KLF11: variants seen among roughly 807,000 people sequenced by gnomAD.
KLF11 encodes the protein Krueppel-like factor 11.
A neutral mutation model predicts 29.9 loss-of-function variants in KLF11; 26 were observed. The ratio of observed to expected loss-of-function variants is 0.87; its 90% CI spans 0.64 to 1.21. The LOEUF (loss-of-function observed/expected upper bound fraction) is 1.21. Ranked by LOEUF, KLF11 falls within the 50% of genes most tolerant of loss-of-function variation. The probability of loss-of-function intolerance (pLI) is 0.00; values close to 1 mark genes in which losing one functional copy is unlikely to be tolerated. For synonymous variants in KLF11, 318 were observed against 257.4 expected, an observed-to-expected ratio of 1.24 and a Z score of -2.25; for missense variants, 778 against 665.7, an observed-to-expected ratio of 1.17 and a Z score of -1.86.
At chr2:10,044,419 T>TG (rs1661114004) in intron 1 of KLF11, 3 of 985,412 alleles carry the variant, frequency 3.0e-6, no homozygotes, top group Non-Finnish European at 3.6e-6. Context: ...GTGCGGGCAC[T>TG]GTGGGCCGGG....
At chr2:10,050,517 C>G (rs918465640) in intron 3 of KLF11, among the ~76,000 whole-genome samples, 3 of 151,964 alleles carry the variant, frequency 2.0e-5, no homozygotes, top group African/African-American at 7.3e-5. Flanking sequence ...TGAGACCATC[C>G]TGGCCAACAT....
intron 1 of KLF11, 160 bp downstream of exon 1, chr2:10,043,918 C>A: frequency 9.9e-7 from 1 of 1,014,872 alleles, no homozygotes; most frequent in Non-Finnish European, 1.2e-6. Flanking sequence ...CGGAGCCGGG[C>A]GGGGCGGCGG....
At chr2:10,044,059 T>G (rs957749967) in intron 1 of KLF11, 1 of 694,170 alleles carries the variant, frequency 1.4e-6, no homozygotes, top group East Asian at 1.3e-4. Context: ...GTCACCCCGG[T>G]CCTGTGAGCC....
Position 10,048,130 on chromosome 2 carries a change from G to A in KLF11, c.793G>A (p.Glu265Lys), listed in dbSNP as rs773720978. ...AVQTCSPKNYENDLPRKTTPL... is the reference protein window; with the variant it reads ...AVQTCSPKNYKNDLPRKTTPL... Reference sequence around the variant, plus strand: ...TCAGACTTGCTCACCAAAGAATTATGAAAATGACCTGCCCAGGAAAACCAC... The same window carrying A: ...TCAGACTTGCTCACCAAAGAATTATAAAAATGACCTGCCCAGGAAAACCAC... Residue 265 changes from glutamate (E) to lysine (K), a missense_variant, in exon 3 of 4, where the codon GAA (glutamate) becomes AAA (lysine). By Grantham distance (56) the Glu-to-Lys change is moderately conservative. Transcript: ENST00000305883. 19 of 1,614,086 alleles carry A rather than the reference G, an allele frequency of 1.2e-5. No homozygotes were observed. In the East Asian group the frequency reaches 3.8e-4, roughly 32 times the overall value.
At chr2:10,047,250 G>C (rs892943121) in intron 2 of KLF11, among the ~76,000 whole-genome samples, 2 of 152,308 alleles carry the variant, frequency 1.3e-5, no homozygotes, top group Middle Eastern at 3.4e-3. Context: ...TCTCAGCTTG[G>C]AGAAGCTGAG....
rs1661441058 is a variant in KLF11, at chr2:10,052,553, T to C, written c.*46T>C. ...TCATGGGATTTTTAAAAAGCCTCTT[T>C]CCAGGAATGGAACTGATGGATTCCT... On this transcript the variant is annotated 3_prime_UTR_variant, in exon 4 of 4. Coordinates refer to ENST00000305883, the MANE Select transcript of KLF11 (RefSeq NM_003597.5). 1 of 1,596,528 alleles carries C rather than the reference T, an allele frequency of 6.3e-7. No homozygotes were observed. Among genetic ancestry groups the C allele is most frequent in the Non-Finnish European group, 8.5e-7 (1 of 1,170,426 alleles).
rs1387891615 is a variant in KLF11, at chr2:10,047,825, T to C, written c.488T>C (p.Val163Ala). The change falls in exon 3 of 4, where the codon GTG (valine) becomes GCG (alanine). Residue 163 changes from valine to alanine, a missense_variant. Physicochemically the swap from Val to Ala is moderately conservative, Grantham distance 64. Coordinates refer to ENST00000305883, the MANE Select transcript of KLF11 (RefSeq NM_003597.5). ...AERGLLGLEP[V>A]PSSPCRAKGT... ...AGGGGCTTGCTGGGTTTGGAGCCAG[T>C]GCCCAGCTCTCCCTGCAGGGCCAAG... The C allele has an allele frequency of 1.2e-6, 2 of 1,613,696 alleles. No homozygotes were observed. Among genetic ancestry groups the C allele is most frequent in the Non-Finnish European group, 1.7e-6 (2 of 1,180,004 alleles).
Position 10,048,224 on chromosome 2 carries a change from G to A in KLF11, c.887G>A (p.Ser296Asn). Residue 296 changes from serine to asparagine, a missense_variant, in exon 3 of 4, where the codon AGT becomes AAT. Ser to Asn is a conservative substitution (Grantham distance 46). Transcript: ENST00000305883. Reference protein sequence around the residue: ...LCQMIPVTGQSSMLPAFLKPP... With the variant: ...LCQMIPVTGQNSMLPAFLKPP... ...CAGATGATCCCTGTGACTGGACAAA[G>A]TAGCATGTTACCAGCTTTTTTGAAG... is the stretch of plus-strand genomic sequence containing the variant. 1.2e-6 allele frequency: 2 copies of A among 1,614,084 alleles called. No homozygotes were observed. Among genetic ancestry groups the A allele is most frequent in the Non-Finnish European group, 1.7e-6 (2 of 1,179,944 alleles).
intron 1 of KLF11, chr2:10,044,064 T>C (rs1048239121): frequency 4.3e-6 from 3 of 704,924 alleles, no homozygotes; most frequent in Non-Finnish European, 3.5e-6. Context: ...CCCGGTCCTG[T>C]GAGCCGGACG....
chr2:10,053,581 A>G lies in KLF11; in HGVS notation c.*1074A>G, dbSNP rs1661472267. 1 of 397,400 alleles carries G rather than the reference A, an allele frequency of 2.5e-6. No individual in the cohort carries two copies. Among genetic ancestry groups the G allele is most frequent in the East Asian group, 3.6e-5 (1 of 28,040 alleles). The allele number at this position is 397,400 out of a possible 1,614,324, so 24.6% of individuals were successfully genotyped here. A position where few individuals can be genotyped will look rare whatever the true frequency, so the allele number is the denominator to read the frequency against. ...AGATTCCGCTTCCTTTGTTTGCCAA[A>G]TACTAGAAACACAAGGAAATGCAAG... is the stretch of plus-strand genomic sequence containing the variant. On this transcript the variant is annotated 3_prime_UTR_variant, in exon 4 of 4. Coordinates refer to ENST00000305883, the MANE Select transcript of KLF11 (RefSeq NM_003597.5).
rs1370358892 is a variant in KLF11 at position 10,048,347 on chromosome 2, G to A, written c.1010G>A (p.Gly337Glu). ...PVFVGPAVPQ[G>E]AVMLVLPQGA... ...TTCGTGGGACCTGCTGTGCCTCAGG[G>A]AGCTGTGATGTTGGTCCTGCCCCAG... Residue 337 changes from glycine to glutamate, a missense_variant, in exon 3 of 4, where the codon GGA (glycine) becomes GAA (glutamate). Transcript: ENST00000305883. 4 of 1,607,680 alleles carry A rather than the reference G, an allele frequency of 2.5e-6. No individual in the cohort carries two copies. The South Asian group carries it at 4.4e-5, about 18-fold the overall frequency.
chr2:10,049,950 G>A (rs1363739788), intron 3 of KLF11, among the ~76,000 whole-genome samples: 1 of 152,132 alleles, frequency 6.6e-6, no homozygotes, highest in Non-Finnish European at 1.5e-5. Context: ...GCATTTCACC[G>A]GGACTCTCCA....
chr2:10,046,121 G>A, intron 1 of KLF11, 29 bp from the exon 2 acceptor site: 1 of 1,612,628 alleles, frequency 6.2e-7, no homozygotes, highest in Non-Finnish European at 8.5e-7. Flanking sequence ...CCCCTGCACT[G>A]AGAAGCCGTT....
rs769916108 is a variant in KLF11 at position 10,048,155 on chromosome 2, C to T, written c.818C>T (p.Thr273Ile). The change falls in exon 3 of 4, where the codon ACC becomes ATC. Residue 273 changes from threonine (T) to isoleucine (I), a missense_variant. Coordinates refer to ENST00000305883, the MANE Select transcript of KLF11 (RefSeq NM_003597.5). ...NYENDLPRKT[T>I]PLISVSVPAP... is the part of the protein sequence containing the mutation. ...GAAAATGACCTGCCCAGGAAAACCA[C>T]CCCTCTGATTTCTGTCTCTGTCCCT... 3.1e-6 allele frequency: 5 copies of T among 1,614,100 alleles called. No individual in the cohort carries two copies. Among genetic ancestry groups the T allele is most frequent in the Admixed American group, 3.3e-5 (2 of 60,012 alleles).
intron 2 of KLF11, among the ~76,000 whole-genome samples, chr2:10,046,866 T>A (rs1661222334): frequency 6.6e-6 from 1 of 152,058 alleles, no homozygotes; most frequent in Admixed American, 6.6e-5. Context: ...CAAAAAAAAA[T>A]AAAAGAACAA....
intron 1 of KLF11, chr2:10,044,096 T>A (rs1661097276): frequency 1.5e-6 from 1 of 678,724 alleles, no homozygotes; most frequent in Admixed American, 6.5e-5. Context: ...GGGGAGCGGC[T>A]GGCGGGAACG....
At chr2:10,050,263 T>G (rs1661363086) in intron 3 of KLF11, among the ~76,000 whole-genome samples, 1 of 149,572 alleles carries the variant, frequency 6.7e-6, no homozygotes, top group Non-Finnish European at 1.5e-5. Context: ...AAAAATTAGC[T>G]GGGCCTTCTG....
At chr2:10,043,868 GCTTCGC>G in intron 1 of KLF11, 110 bp downstream of exon 1, 5 of 1,124,780 alleles carry the variant, frequency 4.4e-6, no homozygotes, top group Non-Finnish European at 5.5e-6. Context: ...GGCGTGCAGG[GCTTCGC>G]TGCGGCCGCG....
intron 1 of KLF11, among the ~76,000 whole-genome samples, chr2:10,044,649 CTTT>C (rs56067200): frequency 2.1e-5 from 3 of 139,970 alleles, no homozygotes. Flanking sequence ...GTTTCCTTTC[CTTT>C]TTTTTTTTTT....
Sources: allele counts gnomAD v4.1 joint callset (sites outside exome capture counted in the v4.1 genomes callset), GRCh38; gene constraint gnomAD v4.1.1; transcripts MANE v1.5; gene names NCBI Gene and HGNC (gene_info 2026-07-23, HGNC 2026-07-21).